GDE1: variants seen among roughly 807,000 people sequenced by gnomAD.
GDE1 encodes RGS16-interacting membrane protein.
Under a neutral mutation model 32.2 loss-of-function variants are expected in GDE1, and 24 were observed. The ratio of observed to expected loss-of-function variants is 0.75; its 90% CI spans 0.54 to 1.05. The LOEUF (loss-of-function observed/expected upper bound fraction) is 1.05, where lower values mean the gene tolerates loss of function less well. GDE1 is among the 50% of genes least tolerant of loss of function. The probability of loss-of-function intolerance (pLI) is 0.00; values close to 1 mark genes in which losing one functional copy is unlikely to be tolerated. For missense variants in GDE1, 380 were observed against 415.0 expected (o/e 0.92, Z 0.73); for synonymous variants, 159 against 158.6 (o/e 1.00, Z -0.02).
chr16:19,512,646 G>A (rs1262439167), intron 2 of GDE1, among the ~76,000 whole-genome samples: 1 of 152,090 alleles, frequency 6.6e-6, no homozygotes, highest in African/African-American at 2.4e-5. Context: ...CAATGTCCCA[G>A]AGCTTTTCCC....
chr16:19,504,756 A>AT, intron 5 of GDE1, 125 bp downstream of exon 5: 1 of 640,854 alleles, frequency 1.6e-6, no homozygotes, highest in South Asian at 2.0e-5. Context: ...TGGTAATCCA[A>AT]TTTAGAGGTA....
intron 2 of GDE1, among the ~76,000 whole-genome samples, chr16:19,513,981 C>T (rs917869303): frequency 2.0e-5 from 3 of 152,096 alleles, no homozygotes; most frequent in Non-Finnish European, 2.9e-5. Context: ...ACCCAAGACT[C>T]GTAGATGAGA....
rs1969197703 is a variant in GDE1, at chr16:19,502,980, T to C, written c.*490A>G. The C allele has an allele frequency of 2.0e-5, 3 of 153,674 alleles. No individual in the cohort carries two copies. Among genetic ancestry groups the C allele is most frequent in the Admixed American group, 1.9e-4 (3 of 15,530 alleles). 9.5% of individuals were successfully genotyped at this position (153,674 alleles called of 1,614,324 possible). Reference sequence around the variant, plus strand: ...TCCGTATGCCTTAGGATATGATGCTTGGCACACAGTTTTCCTTTAGTGCTC... The same window carrying C: ...TCCGTATGCCTTAGGATATGATGCTCGGCACACAGTTTTCCTTTAGTGCTC... On this transcript the variant is annotated 3_prime_UTR_variant, in exon 6 of 6. Transcript: ENST00000353258.
intron 1 of GDE1, among the ~76,000 whole-genome samples, chr16:19,520,924 G>A (rs1160003122): frequency 6.6e-6 from 1 of 152,178 alleles, no homozygotes; most frequent in East Asian, 1.9e-4. Context: ...GTGAAAAGGA[G>A]GGGGCAGAAA....
At chr16:19,513,574 T>C (rs543187471) in intron 2 of GDE1, among the ~76,000 whole-genome samples, 5 of 152,302 alleles carry the variant, frequency 3.3e-5, no homozygotes, top group African/African-American at 1.2e-4. Flanking sequence ...TCTGACTTCC[T>C]CTTTTTCCAA....
Position 19,522,046 on chromosome 16 carries a change from T to C in GDE1, c.-82A>G. The C allele has an allele frequency of 7.2e-7, 1 of 1,396,064 alleles. No individual in the cohort carries two copies. Among genetic ancestry groups the C allele is most frequent in the Non-Finnish European group, 9.5e-7 (1 of 1,051,052 alleles). The allele number at this position is 1,396,064 out of a possible 1,614,324, so 86.5% of individuals were successfully genotyped here. ...GTAGAACGAGAAGCGAGGGGGAGGG[T>C]CCAAGGCACCGGCAGCAGCAGGAAC... On this transcript the variant is annotated 5_prime_UTR_variant, in exon 1 of 6. Transcript: ENST00000353258.
chr16:19,509,039 C>T (rs575033497), intron 3 of GDE1, among the ~76,000 whole-genome samples: 1 of 152,326 alleles, frequency 6.6e-6, no homozygotes, highest in East Asian at 1.9e-4. Context: ...TGGTGGCTCA[C>T]ACCTGTAATC....
chr16:19,505,485 T>C (rs1372994632), intron 4 of GDE1, among the ~76,000 whole-genome samples: 1 of 152,142 alleles, frequency 6.6e-6, no homozygotes, highest in Non-Finnish European at 1.5e-5. Context: ...ATGGGCTGTT[T>C]AGTTTTGACC....
In GDE1 at chr16:19,506,302, C is replaced by CA. The variant is rs397953438; in HGVS notation, c.637-1211dup. ...GTAAATACAAAACAAGGACCCCCCC[C>CA]AAAACAAACAAACAAAAAAAACAGA... On this transcript the variant is annotated intron_variant, in intron 4 of 5. Coordinates refer to ENST00000353258, the MANE Select transcript of GDE1 (RefSeq NM_016641.4). Among the ~76,000 whole-genome samples the CA allele has an allele frequency of 5.9e-5, 9 of 151,910 alleles. No homozygotes were observed. In the East Asian group the frequency reaches 1.7e-3, roughly 29 times the overall value.
Position 19,505,134 on chromosome 16 carries a change from A to G in GDE1, c.637-42T>C, listed in dbSNP as rs747148336. The stretch of plus-strand genomic sequence containing the variant: ...GGAAGTAAAATAATGATCATATGTA[A>G]AGTTGAATACTTATTAGTTTAGATT... On this transcript the variant is annotated intron_variant, in intron 4 of 5. Coordinates refer to ENST00000353258, the MANE Select transcript of GDE1 (RefSeq NM_016641.4). 3 of 1,302,190 alleles carry G rather than the reference A, an allele frequency of 2.3e-6. No homozygotes were observed. In the East Asian group the frequency reaches 6.9e-5, roughly 30 times the overall value. The allele number at this position is 1,302,190 out of a possible 1,614,324, so 80.7% of individuals were successfully genotyped here. A position where few individuals can be genotyped will look rare whatever the true frequency, so the allele number is the denominator to read the frequency against.
rs1969210492 is a variant in GDE1 at position 19,503,828 on chromosome 16, C to G, written c.849-211G>C. ...GTCCCAGCTTAAAACATTTCAGTAG[C>G]TCACTAATGATCGCCACCCCCAAAT... On this transcript the variant is annotated intron_variant, in intron 5 of 5. Transcript: ENST00000353258. 5 of 462,384 alleles carry G rather than the reference C, an allele frequency of 1.1e-5. No individual in the cohort carries two copies. In the South Asian group the frequency reaches 2.3e-4, roughly 22 times the overall value. 28.6% of individuals were successfully genotyped at this position (462,384 alleles called of 1,614,324 possible). A position where few individuals can be genotyped will look rare whatever the true frequency, so the allele number is the denominator to read the frequency against.
rs142973827 is a variant in GDE1, at chr16:19,509,548, A to T, written c.543+1291T>A. ...CAGACCAATTGGAAAACCTAGACGTATACAACTATCGGTTTACTAGAATAA... is the reference window on the plus strand; with the variant it reads ...CAGACCAATTGGAAAACCTAGACGTTTACAACTATCGGTTTACTAGAATAA... On this transcript the variant is annotated intron_variant, in intron 3 of 5. Coordinates refer to ENST00000353258, the MANE Select transcript of GDE1 (RefSeq NM_016641.4). 4.6e-5 allele frequency among the ~76,000 whole-genome samples: 7 copies of T among 152,350 alleles called. No individual in the cohort carries two copies. In the East Asian group the frequency reaches 1.3e-3, roughly 29 times the overall value.
rs201968694 is a variant in GDE1 at position 19,504,936 on chromosome 16, A to G, written c.793T>C (p.Leu265=). ...GCTGAAATTCCACACAGGTACCACA[A>G]GATATTATGCATGCTCCAATCGAGC... ...ILLDWSMHNI[L]WYLCGISAFL... Residue 265 remains leucine, a synonymous_variant, in exon 5 of 6, where the codon TTG becomes CTG. Coordinates refer to ENST00000353258, the MANE Select transcript of GDE1 (RefSeq NM_016641.4). The G allele has an allele frequency of 3.7e-6, 6 of 1,613,818 alleles. No homozygotes were observed. The East Asian group carries it at 1.3e-4, about 36-fold the overall frequency.
chr16:19,514,392 C>A (rs940101296), intron 2 of GDE1, among the ~76,000 whole-genome samples: 5 of 152,092 alleles, frequency 3.3e-5, no homozygotes, highest in Admixed American at 3.3e-4. Context: ...GCAACAACAA[C>A]AAAAATCATT....
At chr16:19,515,809 C>T (rs1462960781) in intron 2 of GDE1, among the ~76,000 whole-genome samples, 1 of 152,022 alleles carries the variant, frequency 6.6e-6, no homozygotes, top group Non-Finnish European at 1.5e-5. Context: ...ACTTAATTTT[C>T]CAAGAGAATC....
At chr16:19,510,321 TA>T (rs1356236656) in intron 3 of GDE1, among the ~76,000 whole-genome samples, 5 of 152,172 alleles carry the variant, frequency 3.3e-5, no homozygotes, top group Admixed American at 3.3e-4. Context: ...AAACTATACA[TA>T]AGGGATATAA....
chr16:19,516,200 A>G (rs1969378417), intron 2 of GDE1, among the ~76,000 whole-genome samples: 2 of 152,178 alleles, frequency 1.3e-5, no homozygotes, highest in Admixed American at 6.5e-5. Flanking sequence ...TAAATTAGAC[A>G]CTGAAAGAAC....
At chr16:19,508,029 T>C (rs150574113) in intron 3 of GDE1, among the ~76,000 whole-genome samples, 3 of 152,330 alleles carry the variant, frequency 2.0e-5, no homozygotes, top group African/African-American at 7.2e-5. Context: ...CCTTTTGGAA[T>C]ACTTTTGAAA....
At chr16:19,512,927 T>TTTTG (rs3222404) in intron 2 of GDE1, among the ~76,000 whole-genome samples, 117 of 137,102 alleles carry the variant, frequency 8.5e-4, no homozygotes, top group Admixed American at 3.5e-3. Flanking sequence ...TGTATCTGTT[T>TTTTG]TGTGTGTGTG....
Sources: gnomAD v4.1 joint callset for allele counts (sites outside exome capture counted in the v4.1 genomes callset) on GRCh38, gnomAD v4.1.1 for gene constraint, MANE v1.5 for transcripts, NCBI Gene and HGNC (gene_info 2026-07-23, HGNC 2026-07-21) for gene names.